Variants in RANBP2 observed in about 807,000 individuals in gnomAD.
RANBP2 encodes the protein E3 SUMO-protein ligase RanBP2.
RANBP2 carries 57 observed loss-of-function variants against 303.6 expected under a neutral mutation model. That is an observed-to-expected ratio of 0.19 (90% confidence interval 0.15 to 0.23). The LOEUF (loss-of-function observed/expected upper bound fraction) is 0.23. Among genes scored for constraint, RANBP2 ranks in the 10% least tolerant of loss-of-function variants. The pLI, the probability that RANBP2 is intolerant of heterozygous loss-of-function variation, is 1.00. For missense variants in RANBP2, 3,138 were observed against 3,780.8 expected (o/e 0.83, Z 4.46); for synonymous variants, 1,167 against 1,301.5 (o/e 0.90, Z 2.23).
At chr2:109,311,834 C>G in the RANBP2 span, among the ~76,000 whole-genome samples, 1 of 150,480 alleles carries the variant, frequency 6.6e-6, no homozygotes, top group East Asian at 1.9e-4. Flanking sequence ...TGGTTTGTCC[C>G]TTTCTTTATT....
At chr2:108,881,787 A>G in the RANBP2 span, among the ~76,000 whole-genome samples, 11 of 152,316 alleles carry the variant, frequency 7.2e-5, no homozygotes, top group East Asian at 7.7e-4. Context: ...AAATTCATCA[A>G]TTAAGTTTGC....
chr2:109,320,367 A>G, the RANBP2 span, among the ~76,000 whole-genome samples: 7 of 152,212 alleles, frequency 4.6e-5, no homozygotes, highest in Non-Finnish European at 1.0e-4. Flanking sequence ...CCACCTGAGC[A>G]GCAGGTACAA....
chr2:108,777,565 GA>G (rs1241548852), intron 25 of RANBP2, among the ~76,000 whole-genome samples: 1 of 152,022 alleles, frequency 6.6e-6, no homozygotes, highest in African/African-American at 2.4e-5. Context: ...CAGGTTTTGT[GA>G]GTTTATACTT....
the RANBP2 span, among the ~76,000 whole-genome samples, chr2:109,187,303 T>A: frequency 6.6e-6 from 1 of 152,242 alleles, no homozygotes. Context: ...TTTAGTCTTT[T>A]CTGTTTAGTC....
At chr2:109,142,200 G>T in the RANBP2 span, among the ~76,000 whole-genome samples, 2 of 152,142 alleles carry the variant, frequency 1.3e-5, no homozygotes, top group African/African-American at 4.8e-5. Flanking sequence ...GCGGACTCTT[G>T]CGCCTTTGTG....
intron 1 of RANBP2, among the ~76,000 whole-genome samples, chr2:108,726,430 G>GTT: frequency 7.0e-6 from 1 of 142,766 alleles, no homozygotes; most frequent in South Asian, 2.2e-4. Flanking sequence ...GAAGAGGTGA[G>GTT]TTTTTTTGTT....
chr2:109,192,448 C>T, the RANBP2 span, among the ~76,000 whole-genome samples: 7 of 152,144 alleles, frequency 4.6e-5, no homozygotes, highest in Non-Finnish European at 8.8e-5. Flanking sequence ...AGGAAATGCA[C>T]TTTTATTATT....
the RANBP2 span, among the ~76,000 whole-genome samples, chr2:109,603,918 T>G: frequency 6.6e-6 from 1 of 151,912 alleles, no homozygotes; most frequent in East Asian, 2.0e-4. Flanking sequence ...TCCCAGCACT[T>G]TGGGAGGCCG....
the RANBP2 span, among the ~76,000 whole-genome samples, chr2:109,314,156 C>T: frequency 0.31 from 47,437 of 151,940 alleles, 9,191 homozygotes; most frequent in African/African-American, 0.55. Context: ...GTGCCAAGGT[C>T]GTGGTCTGTG....
chr2:109,312,529 G>C, the RANBP2 span, among the ~76,000 whole-genome samples: 47,447 of 151,668 alleles, frequency 0.31, 9,185 homozygotes, highest in African/African-American at 0.55. Flanking sequence ...CAGCCACCCC[G>C]CTGGGCCCCT....
At chr2:109,426,043 G>A in the RANBP2 span, among the ~76,000 whole-genome samples, 4 of 152,122 alleles carry the variant, frequency 2.6e-5, no homozygotes, top group South Asian at 8.3e-4. Context: ...GATTACAGGC[G>A]CATGCCACCA....
the RANBP2 span, among the ~76,000 whole-genome samples, chr2:109,679,668 T>C: frequency 2.8e-3 from 425 of 152,242 alleles, no homozygotes; most frequent in Non-Finnish European, 5.2e-3. Flanking sequence ...AAACCCCACA[T>C]TGCCTCAATC....
At chr2:108,788,236 T>C, downstream of RANBP2, 2 of 720,358 alleles carry the variant, frequency 2.8e-6, no homozygotes, top group South Asian at 4.0e-5. Flanking sequence ...CAGGCCAACA[T>C]AGTGAAATCC....
chr2:109,123,932 A>T, the RANBP2 span, among the ~76,000 whole-genome samples: 3 of 152,176 alleles, frequency 2.0e-5, no homozygotes, highest in African/African-American at 7.2e-5. Flanking sequence ...AACTGAAACC[A>T]AGGTTCTTAG....
the RANBP2 span, chr2:109,419,614 C>T: frequency 9.4e-6 from 15 of 1,590,330 alleles, no homozygotes; most frequent in Non-Finnish European, 1.2e-5. Context: ...GCAGGGCACG[C>T]CTCCCAAGGT....
the RANBP2 span, among the ~76,000 whole-genome samples, chr2:108,906,711 C>T: frequency 1.4e-4 from 21 of 152,324 alleles, no homozygotes; most frequent in African/African-American, 4.8e-4. Context: ...CAGAGCCGTG[C>T]GGGGCTCCCA....
At position 108,764,163 on chromosome 2, in the gene RANBP2, C is replaced by A; in HGVS notation, c.3624C>A (p.Ser1208=). The A allele has an allele frequency of 6.2e-7, 1 of 1,613,950 alleles. No individual in the cohort carries two copies. Among genetic ancestry groups the A allele is most frequent in the Non-Finnish European group, 8.5e-7 (1 of 1,179,956 alleles). ...AATTGTTTCGTTTCGATGTAGAATC[C>A]AAAGAATGGAAAGAACGTGGGATTG... The part of the protein sequence containing the change: ...RAKLFRFDVE[S]KEWKERGIGN... The change falls in exon 20 of 29, where the codon TCC becomes TCA. Residue 1208 remains serine (S), a synonymous_variant. Coordinates refer to ENST00000283195, the MANE Select transcript of RANBP2 (RefSeq NM_006267.5).
the RANBP2 span, among the ~76,000 whole-genome samples, chr2:109,331,036 T>A: frequency 6.6e-6 from 1 of 152,226 alleles, no homozygotes; most frequent in Non-Finnish European, 1.5e-5. Context: ...TACTGTAGTA[T>A]CTGTTGACTT....
At chr2:109,432,806 C>A in the RANBP2 span, 6 of 1,224,878 alleles carry the variant, frequency 4.9e-6, no homozygotes, top group African/African-American at 6.1e-5. Context: ...CAGGGTTCAG[C>A]CCCCACTGGC....
Sources: gnomAD v4.1 joint callset for allele counts (sites outside exome capture counted in the v4.1 genomes callset) on GRCh38, gnomAD v4.1.1 for gene constraint, MANE v1.5 for transcripts, NCBI Gene and HGNC (gene_info 2026-07-23, HGNC 2026-07-21) for gene names.